Variants in C1orf21 observed in about 807,000 individuals in gnomAD.
C1orf21 encodes chromosome 1 open reading frame 21.
Under a neutral mutation model 18.7 loss-of-function variants are expected in C1orf21, and 3 were observed. The ratio of observed to expected loss-of-function variants is 0.16; its 90% CI spans 0.07 to 0.42. The LOEUF (loss-of-function observed/expected upper bound fraction) is 0.42, where lower values mean the gene tolerates loss of function less well. C1orf21 is among the 10% of genes least tolerant of loss of function. The pLI, the probability that C1orf21 is intolerant of heterozygous loss-of-function variation, is 0.99. For missense variants in C1orf21, 104 were observed against 143.6 expected (o/e 0.72, Z 1.41); for synonymous variants, 41 against 46.4 (o/e 0.88, Z 0.47).
intron 3 of C1orf21, chr1:184,568,464 A>G (rs550624791): frequency 2.1e-6 from 1 of 470,724 alleles, no homozygotes; most frequent in Non-Finnish European, 4.4e-6. Flanking sequence ...TGTGCATTTT[A>G]GAGAAGTTCT....
intron 2 of C1orf21, among the ~76,000 whole-genome samples, chr1:184,480,830 G>T (rs1378156393): frequency 6.6e-6 from 1 of 152,152 alleles, no homozygotes; most frequent in South Asian, 2.1e-4. Context: ...GGGGGTCTGC[G>T]TGACTCGCTT....
chr1:184,530,087 T>C (rs1658436974), intron 3 of C1orf21, among the ~76,000 whole-genome samples: 1 of 152,216 alleles, frequency 6.6e-6, no homozygotes, highest in Non-Finnish European at 1.5e-5. Context: ...TGGTACATAA[T>C]AGGTCCTTTG....
chr1:184,424,966 T>C (rs1347044068), intron 1 of C1orf21, among the ~76,000 whole-genome samples: 1 of 152,218 alleles, frequency 6.6e-6, no homozygotes, highest in African/African-American at 2.4e-5. Context: ...CAGAGTCAGA[T>C]GTTCTCCATC....
chr1:184,400,654 T>C (rs1656137782), intron 1 of C1orf21, among the ~76,000 whole-genome samples: 1 of 152,016 alleles, frequency 6.6e-6, no homozygotes, highest in South Asian at 2.1e-4. Flanking sequence ...TCTAATCTTT[T>C]GCTCTTACAT....
chr1:184,463,855 A>C (rs906119163), intron 1 of C1orf21, among the ~76,000 whole-genome samples: 1 of 152,254 alleles, frequency 6.6e-6, no homozygotes, highest in Non-Finnish European at 1.5e-5. Flanking sequence ...ACATAGACAC[A>C]TATAGATGAC....
intron 5 of C1orf21, among the ~76,000 whole-genome samples, chr1:184,608,829 A>G (rs1359000359): frequency 6.6e-6 from 1 of 152,168 alleles, no homozygotes; most frequent in Non-Finnish European, 1.5e-5. Context: ...CACCTTAGCC[A>G]TGCCCTAGAA....
chr1:184,446,304 A>G (rs762708036), intron 1 of C1orf21, among the ~76,000 whole-genome samples: 4 of 151,712 alleles, frequency 2.6e-5, no homozygotes, highest in African/African-American at 4.8e-5. Flanking sequence ...ACTATATTTT[A>G]TTTCTATTCC....
intron 4 of C1orf21, chr1:184,592,205 A>G (rs1465944752): frequency 6.6e-6 from 1 of 152,234 alleles, no homozygotes; most frequent in Non-Finnish European, 1.5e-5. Context: ...AAATAACATT[A>G]TATGTCTTCT....
intron 5 of C1orf21, among the ~76,000 whole-genome samples, chr1:184,612,785 T>C (rs1034368921): frequency 1.3e-5 from 2 of 152,192 alleles, no homozygotes; most frequent in East Asian, 3.8e-4. Context: ...ACTGTTTCAG[T>C]TACCCAGAGT....
chr1:184,506,200 A>T (rs1658059253), intron 2 of C1orf21, among the ~76,000 whole-genome samples: 2 of 152,208 alleles, frequency 1.3e-5, no homozygotes, highest in African/African-American at 2.4e-5. Context: ...ATAACTCTAA[A>T]TTGTCAGGTG....
At chr1:184,428,385 C>A (rs1277336492) in intron 1 of C1orf21, among the ~76,000 whole-genome samples, 1 of 152,074 alleles carries the variant, frequency 6.6e-6, no homozygotes, top group Non-Finnish European at 1.5e-5. Flanking sequence ...GGATAGGAGG[C>A]AGGGAGGGAC....
chr1:184,475,994 G>A (rs1657565774), intron 1 of C1orf21, among the ~76,000 whole-genome samples: 1 of 152,056 alleles, frequency 6.6e-6, no homozygotes, highest in Non-Finnish European at 1.5e-5. Flanking sequence ...AATGACCAAT[G>A]TTATAGTCAT....
rs2102015556 is a variant in C1orf21, at chr1:184,622,570, C to T, written c.*3014C>T. ...CTTTACCTCAGCGATGCTTCCTAGC[C>T]CCAGGCTTGCAGAGAACACAGAGTG... On this transcript the variant is annotated 3_prime_UTR_variant, in exon 6 of 6. Transcript: ENST00000235307. 6.5e-6 allele frequency: 1 copy of T among 152,800 alleles called. No homozygotes were observed. The highest frequency in any genetic ancestry group is 2.1e-4 in the South Asian group (1 of 4,820). 9.5% of individuals were successfully genotyped at this position (152,800 alleles called of 1,614,324 possible).
chr1:184,413,244 A>G (rs1290713664), intron 1 of C1orf21, among the ~76,000 whole-genome samples: 1 of 152,238 alleles, frequency 6.6e-6, no homozygotes, highest in African/African-American at 2.4e-5. Context: ...TGTTATATGT[A>G]TATACATGTG....
rs1655912819 is a variant in C1orf21, at chr1:184,387,911, C to T, written c.-125+543C>T. On this transcript the variant is annotated intron_variant, in intron 1 of 5. Coordinates refer to ENST00000235307, the MANE Select transcript of C1orf21 (RefSeq NM_030806.4). This position sits in a 1 kb window ranked among gnomAD's most constrained non-coding sequence, Gnocchi z 5.6. ...CCCCCGGGATTTCTGAAGTTTTGAC[C>T]TTTTTGGGGTGGCTCGTTTCGTTGC... Among the ~76,000 whole-genome samples, 1 of 152,110 alleles carries T rather than the reference C, an allele frequency of 6.6e-6. No individual in the cohort carries two copies. Among genetic ancestry groups the T allele is most frequent in the South Asian group, 2.1e-4 (1 of 4,824 alleles).
chr1:184,590,272 G>C (rs78503719), intron 3 of C1orf21, among the ~76,000 whole-genome samples: 1 of 152,278 alleles, frequency 6.6e-6, no homozygotes, highest in Non-Finnish European at 1.5e-5. Context: ...AGCATTTGTC[G>C]TGGGTTTTAG....
rs988468014 is a variant in C1orf21, at chr1:184,504,084, T to C, written c.95-3504T>C. ...GAACAATCCCAGCCCCACTTGGATGTAATCTGAGGAATAAAATGCTAAAAA... is the reference window on the plus strand; with the variant it reads ...GAACAATCCCAGCCCCACTTGGATGCAATCTGAGGAATAAAATGCTAAAAA... On this transcript the variant is annotated intron_variant, in intron 2 of 5. Transcript: ENST00000235307. Among the ~76,000 whole-genome samples the C allele has an allele frequency of 3.3e-5, 5 of 152,194 alleles. No homozygotes were observed. In the South Asian group the frequency reaches 1.0e-3, roughly 32 times the overall value.
chr1:184,579,494 CTTT>C (rs60469440), intron 3 of C1orf21, among the ~76,000 whole-genome samples: 49 of 98,154 alleles, frequency 5.0e-4, no homozygotes, highest in African/African-American at 8.5e-4. Context: ...TCAAGATTTT[CTTT>C]TTTTTTTTTT....
At chr1:184,420,712 C>T (rs74638961) in intron 1 of C1orf21, among the ~76,000 whole-genome samples, 3,119 of 152,158 alleles carry the variant, frequency 0.02, 122 homozygotes, top group African/African-American at 0.07. Context: ...TTTGCTTAAC[C>T]TGAAGTTGTT....
Sources: gnomAD v4.1 joint callset for allele counts (sites outside exome capture counted in the v4.1 genomes callset) on GRCh38, gnomAD v4.1.1 for gene constraint, Gnocchi (gnomAD v3.1) non-coding constraint, MANE v1.5 for transcripts, NCBI Gene and HGNC (gene_info 2026-07-23, HGNC 2026-07-21) for gene names.